The following LIMA1 variants were observed in gnomAD, a reference collection of about 807,000 sequenced individuals.
LIMA1 encodes LIM domain and actin-binding protein 1.
A neutral mutation model predicts 62.6 loss-of-function variants in LIMA1; 52 were observed. The observed-to-expected ratio is 0.83, with a 90% CI of 0.67 to 1.05. The LOEUF is 1.05. LIMA1 is among the 50% of genes least tolerant of loss of function. The pLI is 0.00. For synonymous variants in LIMA1, 302 were observed against 317.8 expected (o/e 0.95, Z 0.53); for missense variants, 780 against 902.2 (o/e 0.86, Z 1.74).
At chr12:50,281,321 G>A (rs1391400522) in intron 1 of LIMA1, among the ~76,000 whole-genome samples, 1 of 151,992 alleles carries the variant, frequency 6.6e-6, no homozygotes, top group Non-Finnish European at 1.5e-5. Flanking sequence ...TATCTACCCT[G>A]TCTTCCCCAC....
rs547252150 is a variant in LIMA1, at chr12:50,251,476, C to T, written c.-23-2702G>A. ...ACTCTACTAAAAATACAAAAATTAG[C>T]CAGGTGTGGTGGTACACCCCTGTAA... On this transcript the variant is annotated intron_variant, in intron 1 of 10. Transcript: ENST00000341247. Among the ~76,000 whole-genome samples the T allele has an allele frequency of 4.6e-5, 7 of 151,962 alleles. No homozygotes were observed. In the South Asian group the frequency reaches 1.5e-3, roughly 32 times the overall value.
At chr12:50,254,562 G>A (rs1941969217) in intron 1 of LIMA1, among the ~76,000 whole-genome samples, 2 of 152,232 alleles carry the variant, frequency 1.3e-5, no homozygotes, top group East Asian at 1.9e-4. Flanking sequence ...CCTAGGGTAG[G>A]GTAAGCTGTA....
At chr12:50,202,329 G>A (rs1276913028) in intron 6 of LIMA1, among the ~76,000 whole-genome samples, 3 of 152,102 alleles carry the variant, frequency 2.0e-5, no homozygotes, top group Non-Finnish European at 4.4e-5. Context: ...TTCCCAAAGA[G>A]TTTTCAACTC....
chr12:50,225,062 C>A (rs1047747186), intron 3 of LIMA1, among the ~76,000 whole-genome samples: 2 of 151,872 alleles, frequency 1.3e-5, no homozygotes, highest in African/African-American at 4.8e-5. Flanking sequence ...GCCACCATAC[C>A]TGGCTAATTT....
chr12:50,266,846 T>C (rs1277457458), intron 1 of LIMA1, among the ~76,000 whole-genome samples: 1 of 152,238 alleles, frequency 6.6e-6, no homozygotes, highest in African/African-American at 2.4e-5. Context: ...CCTTTAATCA[T>C]GAGTGAGGTT....
At chr12:50,253,870 T>C (rs1941959973) in intron 1 of LIMA1, among the ~76,000 whole-genome samples, 1 of 150,458 alleles carries the variant, frequency 6.6e-6, no homozygotes, top group Admixed American at 6.6e-5. Flanking sequence ...TTACTAAACA[T>C]ACAAAAAATT....
intron 1 of LIMA1, among the ~76,000 whole-genome samples, chr12:50,267,945 G>A (rs1309596029): frequency 5.3e-5 from 8 of 151,976 alleles, no homozygotes; most frequent in Non-Finnish European, 7.4e-5. Flanking sequence ...GTAAGCCACC[G>A]TGCCCGGCCA....
chr12:50,182,794 A>G (rs1414816610), intron 9 of LIMA1, among the ~76,000 whole-genome samples: 2 of 152,268 alleles, frequency 1.3e-5, no homozygotes, highest in African/African-American at 4.8e-5. Flanking sequence ...TGGAACAAAC[A>G]TGGGCACAGT....
Position 50,222,398 on chromosome 12 carries a change from ACT to A in LIMA1, c.251_252del (p.Glu84ValfsTer12). 2.5e-6 allele frequency: 4 copies of A among 1,613,950 alleles called. No individual in the cohort carries two copies. The highest frequency in any genetic ancestry group is 3.4e-6 in the Non-Finnish European group (4 of 1,179,972). ...KKWENPGLGAESHTDSLRNSS... is the reference protein window; with the variant it reads ...KKWENPGLGAXSHTDSLRNSS... ...CTGTTCCGTAGAGAGTCTGTGTGAG[ACT>A]CTGCTCCCAGCCCTGGGTTCTCCCA... On this transcript the variant is annotated frameshift_variant, in exon 4 of 11. Coordinates refer to ENST00000341247, the MANE Select transcript of LIMA1 (RefSeq NM_016357.5). LOFTEE classifies it high-confidence loss of function.
In LIMA1 at chr12:50,178,221, C is replaced by A. The variant is rs1940399898; in HGVS notation, c.1275-152G>T. The A allele has an allele frequency of 7.1e-6, 4 of 566,088 alleles. No individual in the cohort carries two copies. In the East Asian group the frequency reaches 1.3e-4, roughly 19 times the overall value. 35.1% of individuals were successfully genotyped at this position (566,088 alleles called of 1,614,324 possible). Reference sequence around the variant, plus strand: ...CCTTCAGTGACCAGGAATTCCTTACCCCCATTTTAGCACATTTGTTTTCTT... The same window carrying A: ...CCTTCAGTGACCAGGAATTCCTTACACCCATTTTAGCACATTTGTTTTCTT... On this transcript the variant is annotated intron_variant, in intron 10 of 10. Coordinates refer to ENST00000341247, the MANE Select transcript of LIMA1 (RefSeq NM_016357.5).
rs1409254811 is a variant in LIMA1, at chr12:50,218,895, T to TAAAA, written c.630+3122_630+3125dup. On this transcript the variant is annotated intron_variant, in intron 4 of 10. Transcript: ENST00000341247. Reference sequence around the variant, plus strand: ...CAACAGAGTTAAGACCCTATCTCCATAAAAAAAAAAAAAACAAAAACAAAA... The same window carrying TAAAA: ...CAACAGAGTTAAGACCCTATCTCCATAAAAAAAAAAAAAAAAAACAAAAACAAAA... 3.9e-4 allele frequency among the ~76,000 whole-genome samples: 29 copies of TAAAA among 73,990 alleles called. 1 individual carries two copies. Among genetic ancestry groups the TAAAA allele is most frequent in the African/African-American group, 1.3e-3 (26 of 20,606 alleles). 48.5% of individuals were successfully genotyped at this position (73,990 alleles called of 152,430 possible). A position where few individuals can be genotyped will look rare whatever the true frequency, so the allele number is the denominator to read the frequency against.
At chr12:50,274,314 G>C (rs566296116) in intron 1 of LIMA1, among the ~76,000 whole-genome samples, 2 of 152,204 alleles carry the variant, frequency 1.3e-5, no homozygotes, top group East Asian at 1.9e-4. Context: ...GGCCGAGCGC[G>C]ATGGCTCACG....
At chr12:50,206,089 A>G (rs1167994534) in intron 4 of LIMA1, 21 bp from the exon 5 acceptor site, 2 of 1,605,392 alleles carry the variant, frequency 1.2e-6, no homozygotes, top group African/African-American at 1.3e-5. Flanking sequence ...AAACCCAACG[A>G]TAAGTTTTGC....
intron 4 of LIMA1, among the ~76,000 whole-genome samples, chr12:50,214,024 C>CCACACACACACACACACACACA (rs10632810): frequency 0.012 from 1,302 of 104,544 alleles, 30 homozygotes; most frequent in African/African-American, 0.04. Context: ...TATTATCTTA[C>CCACACACACACACACACACACA]CACACACACA....
At chr12:50,203,380 G>C (rs1941091995) in intron 6 of LIMA1, among the ~76,000 whole-genome samples, 1 of 151,780 alleles carries the variant, frequency 6.6e-6, no homozygotes, top group Non-Finnish European at 1.5e-5. Flanking sequence ...ACAACGTAAA[G>C]GGGAAGGACC....
chr12:50,193,633 T>A, intron 8 of LIMA1, among the ~76,000 whole-genome samples: 1 of 48,702 alleles, frequency 2.1e-5, no homozygotes, highest in Admixed American at 1.8e-4. Context: ...TATATATACG[T>A]GTGTGTGTGT....
chr12:50,275,228 G>A (rs35535298), intron 1 of LIMA1, among the ~76,000 whole-genome samples: 48,681 of 151,636 alleles, frequency 0.32, 8,098 homozygotes, highest in South Asian at 0.48. Flanking sequence ...TTAGCCAGGC[G>A]TGGTGGCGCG....
At chr12:50,211,784 G>A (rs1462871701) in intron 4 of LIMA1, among the ~76,000 whole-genome samples, 4 of 138,138 alleles carry the variant, frequency 2.9e-5, no homozygotes, top group African/African-American at 5.7e-5. Flanking sequence ...AGGAAGTAAA[G>A]GAACACAAAA....
At chr12:50,234,962 G>C (rs1425982908) in intron 2 of LIMA1, among the ~76,000 whole-genome samples, 1 of 152,062 alleles carries the variant, frequency 6.6e-6, no homozygotes, top group Admixed American at 6.6e-5. Flanking sequence ...AGCGAGCTAC[G>C]ATCATGCCAC....
Sources: gnomAD v4.1 joint callset for allele counts (sites outside exome capture counted in the v4.1 genomes callset) on GRCh38, gnomAD v4.1.1 for gene constraint, MANE v1.5 for transcripts, NCBI Gene and HGNC (gene_info 2026-07-23, HGNC 2026-07-21) for gene names.